TLN2: variants seen among roughly 807,000 people sequenced by gnomAD.
TLN2 encodes the protein talin-2.
A neutral mutation model predicts 294.7 loss-of-function variants in TLN2; 118 were observed. That is an observed-to-expected ratio of 0.40 (90% CI 0.34 to 0.47). TLN2 has a LOEUF of 0.47. Ranked by LOEUF, TLN2 falls within the 20% of genes least tolerant of loss-of-function variation. The pLI, the probability that TLN2 is intolerant of heterozygous loss-of-function variation, is 0.84. For missense variants in TLN2, 3,083 were observed against 3,282.2 expected (o/e 0.94, Z 1.48); for synonymous variants, 1,431 against 1,304.5 (o/e 1.10, Z -2.09).
intron 45 of TLN2, among the ~76,000 whole-genome samples, chr15:62,788,048 C>T (rs1251702040): frequency 1.3e-5 from 2 of 150,466 alleles, no homozygotes; most frequent in Admixed American, 6.6e-5. Flanking sequence ...CTGTGGCTCA[C>T]GCCTGTAATC....
chr15:62,779,662 C>T (rs1265381443), intron 43 of TLN2, among the ~76,000 whole-genome samples: 3 of 152,238 alleles, frequency 2.0e-5, no homozygotes, highest in African/African-American at 7.2e-5. Flanking sequence ...CATGCAAGCT[C>T]CTAGCATGTG....
chr15:62,583,759 C>G (rs2045346742), intron 1 of TLN2, among the ~76,000 whole-genome samples: 1 of 152,250 alleles, frequency 6.6e-6, no homozygotes, highest in South Asian at 2.1e-4. Flanking sequence ...TGGCTTTGTA[C>G]CAAGTAGAGT....
At chr15:62,603,174 G>C (rs1281126955) in intron 2 of TLN2, among the ~76,000 whole-genome samples, 3 of 152,006 alleles carry the variant, frequency 2.0e-5, no homozygotes, top group African/African-American at 7.2e-5. Context: ...TTACAGGCGT[G>C]AGCCACCGCG....
At chr15:62,751,072 A>G (rs2061912775) in intron 34 of TLN2, among the ~76,000 whole-genome samples, 1 of 152,060 alleles carries the variant, frequency 6.6e-6, no homozygotes, top group South Asian at 2.1e-4. Flanking sequence ...TCTTAACCTT[A>G]CTCAACAAAA....
chr15:62,545,536 G>T (rs2041949846), intron 1 of TLN2, among the ~76,000 whole-genome samples: 1 of 151,182 alleles, frequency 6.6e-6, no homozygotes, highest in South Asian at 2.1e-4. Context: ...GTGTGTGTGT[G>T]TGTGTGTGTC....
chr15:62,806,041 A>G (rs1376653374), intron 51 of TLN2, among the ~76,000 whole-genome samples: 1 of 152,100 alleles, frequency 6.6e-6, no homozygotes, highest in African/African-American at 2.4e-5. Context: ...AATTTTTTTT[A>G]AGTAACCAAG....
intron 2 of TLN2, among the ~76,000 whole-genome samples, chr15:62,593,496 A>G (rs2046245199): frequency 6.6e-6 from 1 of 152,226 alleles, no homozygotes; most frequent in African/African-American, 2.4e-5. Context: ...AATTATGTTC[A>G]TCAGTTAATT....
chr15:62,652,373 C>A (rs1268168200), intron 6 of TLN2, among the ~76,000 whole-genome samples: 1 of 152,170 alleles, frequency 6.6e-6, no homozygotes, highest in African/African-American at 2.4e-5. Flanking sequence ...AGAAGATTTT[C>A]AAATGGAAAG....
intron 1 of TLN2, among the ~76,000 whole-genome samples, chr15:62,519,818 A>G (rs1044267493): frequency 4.6e-5 from 7 of 152,260 alleles, no homozygotes; most frequent in African/African-American, 1.4e-4. Context: ...CTAGGAAAAT[A>G]TTCCTGAAAC....
chr15:62,579,215 G>T (rs1596220649), intron 1 of TLN2, among the ~76,000 whole-genome samples: 2 of 152,166 alleles, frequency 1.3e-5, no homozygotes, highest in African/African-American at 4.8e-5. Flanking sequence ...CACTGGCCAT[G>T]TGAGGAAAGA....
intron 52 of TLN2, among the ~76,000 whole-genome samples, chr15:62,818,211 C>A (rs2067269968): frequency 6.6e-6 from 1 of 152,202 alleles, no homozygotes; most frequent in South Asian, 2.1e-4. Context: ...CAGGTTTGAA[C>A]ACAAGTTTGT....
chr15:62,697,943 G>A, intron 15 of TLN2, 75 bp downstream of exon 15: 2 of 1,529,672 alleles, frequency 1.3e-6, no homozygotes, highest in South Asian at 2.3e-5. Context: ...CAGCGGCGGT[G>A]ATGGGCTGAG....
chr15:62,429,123 G>A (rs1392611738), intron 1 of TLN2, among the ~76,000 whole-genome samples: 1 of 149,338 alleles, frequency 6.7e-6, no homozygotes, highest in African/African-American at 2.4e-5. Context: ...ACCGGGGTTG[G>A]CGGGGGTTGG....
intron 54 of TLN2, chr15:62,824,103 A>C: frequency 2.4e-6 from 1 of 421,438 alleles, no homozygotes; most frequent in South Asian, 1.8e-5. Context: ...TTAAAATCAC[A>C]AGTAGATTTA....
At chr15:62,806,191 C>T (rs2066268098) in intron 51 of TLN2, among the ~76,000 whole-genome samples, 1 of 151,400 alleles carries the variant, frequency 6.6e-6, no homozygotes, top group Admixed American at 6.6e-5. Flanking sequence ...AAACCCTGTC[C>T]GTTTAAAAAA....
In TLN2 at chr15:62,674,897, GGAGTC is replaced by G. The variant is rs200931372; in HGVS notation, c.853-319_853-315del. Reference sequence around the variant, plus strand: ...CTTGGCTCTCAACCATTTGGGACGTGGAGTCCTTTGACAATGTGATTACAGTTATG... The same window carrying G: ...CTTGGCTCTCAACCATTTGGGACGTGCTTTGACAATGTGATTACAGTTATG... On this transcript the variant is annotated intron_variant, in intron 10 of 58. Transcript: ENST00000636159. Among the ~76,000 whole-genome samples, 3 of 152,308 alleles carry G rather than the reference GGAGTC, an allele frequency of 2.0e-5. No individual in the cohort carries two copies. The East Asian group carries it at 5.8e-4, about 29-fold the overall frequency.
intron 32 of TLN2, among the ~76,000 whole-genome samples, chr15:62,746,046 T>A (rs924334468): frequency 6.6e-5 from 10 of 152,136 alleles, no homozygotes; most frequent in African/African-American, 2.4e-4. Context: ...TACAGAAAAG[T>A]TGAAGAGTTG....
intron 1 of TLN2, among the ~76,000 whole-genome samples, chr15:62,465,046 T>A (rs2037036885): frequency 6.6e-6 from 1 of 151,946 alleles, no homozygotes; most frequent in Non-Finnish European, 1.5e-5. Context: ...TCTTTAGATT[T>A]CCTCTCTCAT....
intron 1 of TLN2, among the ~76,000 whole-genome samples, chr15:62,429,153 A>C: frequency 6.6e-6 from 1 of 150,900 alleles, no homozygotes; most frequent in Non-Finnish European, 1.5e-5. Flanking sequence ...GGTGAGCCCT[A>C]AGCAATCACT....
Sources: allele counts gnomAD v4.1 joint callset (sites outside exome capture counted in the v4.1 genomes callset), GRCh38; gene constraint gnomAD v4.1.1; transcripts MANE v1.5; gene names NCBI Gene and HGNC (gene_info 2026-07-23, HGNC 2026-07-21).